MYO1E: variants seen among roughly 807,000 people sequenced by gnomAD.
MYO1E encodes unconventional myosin-Ie.
In MYO1E, 68 loss-of-function variants were observed where a neutral mutation model predicts 151.1. That is an observed-to-expected ratio of 0.45 (90% confidence interval 0.37 to 0.55). The LOEUF is 0.55. Ranked by LOEUF, MYO1E falls within the 20% of genes least tolerant of loss-of-function variation. MYO1E has a pLI of 0.00. For synonymous variants in MYO1E, 601 were observed against 501.7 expected (o/e 1.20, Z -2.64); for missense variants, 1,363 against 1,389.3 (o/e 0.98, Z 0.30).
rs181223985 is a variant in MYO1E, at chr15:59,266,061, G to C, written c.148-4552C>G. ...TTGATTTAAAGAAAATAAACATATC[G>C]TAGTTATTTCCGGTGAGAGTTTGGA... On this transcript the variant is annotated intron_variant, in intron 2 of 27. Transcript: ENST00000288235. Among the ~76,000 whole-genome samples, 335 of 152,234 alleles carry C rather than the reference G, an allele frequency of 2.2e-3. 2 individuals carry two copies. Among genetic ancestry groups the C allele is most frequent in the African/African-American group, 7.2e-3 (301 of 41,536 alleles).
chr15:59,198,106 T>C (rs1361420706), intron 16 of MYO1E, among the ~76,000 whole-genome samples: 1 of 152,166 alleles, frequency 6.6e-6, no homozygotes, highest in African/African-American at 2.4e-5. Flanking sequence ...CCTCAAGCAA[T>C]CTTCCCACCT....
intron 1 of MYO1E, among the ~76,000 whole-genome samples, chr15:59,324,669 C>CCCCG (rs2080651748): frequency 6.6e-6 from 1 of 150,428 alleles, no homozygotes; most frequent in African/African-American, 2.5e-5. Flanking sequence ...CCAAGCCCCC[C>CCCCG]CCCCACAGAG....
chr15:59,225,179 T>C (rs2079982068), intron 7 of MYO1E, among the ~76,000 whole-genome samples: 1 of 152,214 alleles, frequency 6.6e-6, no homozygotes, highest in Admixed American at 6.5e-5. Flanking sequence ...AGGGTGCATG[T>C]TAAAAAACTG....
intron 1 of MYO1E, among the ~76,000 whole-genome samples, chr15:59,343,216 TTTTG>T (rs2080775404): frequency 6.6e-6 from 1 of 152,164 alleles, no homozygotes; most frequent in Non-Finnish European, 1.5e-5. Context: ...ATCCCTCAGC[TTTTG>T]TTTGTCTGGG....
At chr15:59,268,359 T>C (rs531412856) in intron 2 of MYO1E, among the ~76,000 whole-genome samples, 15 of 152,266 alleles carry the variant, frequency 9.9e-5, no homozygotes, top group Admixed American at 2.6e-4. Context: ...ATAAAGTCAT[T>C]AGTGGTCAAG....
At position 59,169,197 on chromosome 15, in the gene MYO1E, G is replaced by A. The variant is rs984661448; in HGVS notation, c.2480+2700C>T. Among the ~76,000 whole-genome samples, 4 of 152,216 alleles carry A rather than the reference G, an allele frequency of 2.6e-5. No homozygotes were observed. The East Asian group carries it at 5.8e-4, about 22-fold the overall frequency. ...GGGATACTTTGATAAATCGTAACTA[G>A]GAGGCCATATGTTGATATCATTCCA... On this transcript the variant is annotated intron_variant, in intron 22 of 27. Coordinates refer to ENST00000288235, the MANE Select transcript of MYO1E (RefSeq NM_004998.4).
chr15:59,291,448 T>C (rs1453171901), intron 1 of MYO1E, among the ~76,000 whole-genome samples: 2 of 152,130 alleles, frequency 1.3e-5, no homozygotes, highest in South Asian at 2.1e-4. Flanking sequence ...GTGTTTAAGA[T>C]ACAGAAGTAG....
intron 26 of MYO1E, among the ~76,000 whole-genome samples, chr15:59,151,417 A>G (rs1287334878): frequency 1.3e-5 from 2 of 152,082 alleles, no homozygotes; most frequent in South Asian, 4.1e-4. Flanking sequence ...CAACAGAACA[A>G]GACTCCATCT....
chr15:59,207,058 G>T (rs754864850), intron 14 of MYO1E: 2 of 1,614,172 alleles, frequency 1.2e-6, no homozygotes, highest in Non-Finnish European at 1.7e-6. Context: ...CCCGCTCAAC[G>T]GCACCTGGCT....
chr15:59,339,711 A>G (rs995932131), intron 1 of MYO1E, among the ~76,000 whole-genome samples: 1 of 152,172 alleles, frequency 6.6e-6, no homozygotes, highest in Non-Finnish European at 1.5e-5. Context: ...AATTCAGTCC[A>G]TGTATGGTGG....
intron 1 of MYO1E, among the ~76,000 whole-genome samples, chr15:59,354,871 C>T (rs573806830): frequency 2.0e-5 from 3 of 152,262 alleles, no homozygotes; most frequent in East Asian, 3.9e-4. Context: ...ACAGCTACCC[C>T]CTCCTGCAGG....
intron 1 of MYO1E, among the ~76,000 whole-genome samples, chr15:59,301,121 A>G (rs2080480288): frequency 6.6e-6 from 1 of 150,388 alleles, no homozygotes; most frequent in Admixed American, 6.6e-5. Context: ...GTCTGCCTCG[A>G]CCTCCTAAAG....
At chr15:59,368,550 C>A (rs543499680) in intron 1 of MYO1E, among the ~76,000 whole-genome samples, 7 of 151,454 alleles carry the variant, frequency 4.6e-5, no homozygotes, top group South Asian at 2.1e-4. Flanking sequence ...TTGAGACCAG[C>A]CTGGCCAACA....
Position 59,268,720 on chromosome 15 carries a change from ATTTTTTT to A in MYO1E, c.147+3579_147+3585del, listed in dbSNP as rs398027512. 4.5e-4 allele frequency among the ~76,000 whole-genome samples: 20 copies of A among 44,904 alleles called. 2 individuals carry two copies. Among genetic ancestry groups the A allele is most frequent in the African/African-American group, 4.1e-4 (7 of 17,238 alleles). The allele number at this position is 44,904 out of a possible 152,430, so 29.5% of individuals were successfully genotyped here. On this transcript the variant is annotated intron_variant, in intron 2 of 27. Coordinates refer to ENST00000288235, the MANE Select transcript of MYO1E (RefSeq NM_004998.4). ...GTGATGGGTTCTGGGTGACTTTGGTATTTTTTTTTTTTTTTTTTTTTGCTTCACTGCA... is the reference window on the plus strand; with the variant it reads ...GTGATGGGTTCTGGGTGACTTTGGTATTTTTTTTTTTTTTGCTTCACTGCA...
intron 1 of MYO1E, among the ~76,000 whole-genome samples, chr15:59,353,369 A>AAAAAGAAAAG (rs143319934): frequency 0.01 from 1,004 of 96,822 alleles, 24 homozygotes; most frequent in African/African-American, 0.037. Flanking sequence ...AAAAAAAAAA[A>AAAAAGAAAAG]AAAAGAAAAG....
intron 4 of MYO1E, among the ~76,000 whole-genome samples, chr15:59,247,091 G>C (rs1447178482): frequency 6.6e-6 from 1 of 152,194 alleles, no homozygotes; most frequent in Non-Finnish European, 1.5e-5. Flanking sequence ...AGCTACTCGC[G>C]AGGCTGAGGT....
Position 59,137,406 on chromosome 15 carries a change from G to A in MYO1E, c.3301C>T (p.Pro1101Ser). 1 of 1,614,144 alleles carries A rather than the reference G, an allele frequency of 6.2e-7. No homozygotes were observed. Among genetic ancestry groups the A allele is most frequent in the African/African-American group, 1.3e-5 (1 of 75,024 alleles). Residue 1101 changes from proline (P) to serine (S), a missense_variant, in exon 28 of 28, where the codon CCC (proline) becomes TCC (serine). Pro to Ser is a moderately conservative substitution (Grantham distance 74). Transcript: ENST00000288235. ...GRLRGKQGLF[P>S]NNYVTKI Reference sequence around the variant, plus strand: ...CAGATCTTGGTCACATAGTTGTTGGGGAACAGGCCCTGCTTGCCTCGTAGT... The same window carrying A: ...CAGATCTTGGTCACATAGTTGTTGGAGAACAGGCCCTGCTTGCCTCGTAGT...
chr15:59,142,456 C>T (rs1426862529), intron 26 of MYO1E, among the ~76,000 whole-genome samples: 1 of 152,198 alleles, frequency 6.6e-6, no homozygotes, highest in Non-Finnish European at 1.5e-5. Flanking sequence ...CCCTGGGCAT[C>T]ACCCACTTGT....
chr15:59,255,405 T>A (rs768310729), intron 4 of MYO1E, among the ~76,000 whole-genome samples: 3 of 152,040 alleles, frequency 2.0e-5, no homozygotes, highest in Non-Finnish European at 4.4e-5. Context: ...ATTTTATTAT[T>A]TTTTTTCAAG....
Sources: gnomAD v4.1 joint callset for allele counts (sites outside exome capture counted in the v4.1 genomes callset) on GRCh38, gnomAD v4.1.1 for gene constraint, MANE v1.5 for transcripts, NCBI Gene and HGNC (gene_info 2026-07-23, HGNC 2026-07-21) for gene names.